The following CEP83 variants were observed in gnomAD, a reference collection of about 807,000 sequenced individuals.
CEP83 encodes the protein centrosomal protein of 83 kDa.
A neutral mutation model predicts 101.9 loss-of-function variants in CEP83; 70 were observed. The ratio of observed to expected loss-of-function variants is 0.69; its 90% CI spans 0.57 to 0.84. The LOEUF is 0.84. Among genes scored for constraint, CEP83 ranks in the 40% least tolerant of loss-of-function variants. The probability of loss-of-function intolerance (pLI) is 0.00; values close to 1 mark genes in which losing one functional copy is unlikely to be tolerated. For missense variants in CEP83, 715 were observed against 787.2 expected (o/e 0.91, Z 1.10); for synonymous variants, 264 against 267.9 (o/e 0.99, Z 0.14).
At chr12:94,372,611 A>C (rs1394494661) in intron 8 of CEP83, among the ~76,000 whole-genome samples, 3 of 152,156 alleles carry the variant, frequency 2.0e-5, no homozygotes, top group Non-Finnish European at 2.9e-5. Context: ...ATTTCATAGG[A>C]AGTTGATTCA....
intron 14 of CEP83, among the ~76,000 whole-genome samples, chr12:94,316,366 T>G (rs1336258810): frequency 6.6e-6 from 1 of 152,172 alleles, no homozygotes; most frequent in African/African-American, 2.4e-5. Context: ...TTTAATAGTT[T>G]GATAGGTTTG....
the CEP83 span, among the ~76,000 whole-genome samples, chr12:94,293,670 G>A: frequency 2.0e-5 from 3 of 152,206 alleles, no homozygotes; most frequent in Non-Finnish European, 4.4e-5. Flanking sequence ...CCAGGCTGGA[G>A]TAGAGTGGCA....
chr12:94,363,947 CAAAAA>C (rs376859752), intron 11 of CEP83, among the ~76,000 whole-genome samples: 7 of 59,466 alleles, frequency 1.2e-4, no homozygotes, highest in Admixed American at 1.8e-4. Flanking sequence ...GACGCTGTCT[CAAAAA>C]AAAAAAAAAA....
chr12:94,415,948 G>A (rs1007604451), intron 2 of CEP83, among the ~76,000 whole-genome samples: 3 of 151,810 alleles, frequency 2.0e-5, no homozygotes, highest in Admixed American at 2.0e-4. Flanking sequence ...CCACATGCCA[G>A]GTATTTAAAA....
chr12:94,411,278 T>C (rs982831350), intron 4 of CEP83, among the ~76,000 whole-genome samples: 3 of 152,168 alleles, frequency 2.0e-5, no homozygotes, highest in Non-Finnish European at 4.4e-5. Context: ...ATAAATTATG[T>C]TCACATACTG....
chr12:94,380,071 C>CAA (rs11362391), intron 6 of CEP83, among the ~76,000 whole-genome samples: 28 of 83,184 alleles, frequency 3.4e-4, no homozygotes, highest in South Asian at 1.2e-3. Context: ...CCCGGCCCTG[C>CAA]AAAAAAAAAA....
At chr12:94,390,163 T>A (rs1431868547) in intron 6 of CEP83, among the ~76,000 whole-genome samples, 1 of 152,144 alleles carries the variant, frequency 6.6e-6, no homozygotes, top group Non-Finnish European at 1.5e-5. Flanking sequence ...GACTGCCTCC[T>A]CAAGTGGGTC....
downstream of CEP83, among the ~76,000 whole-genome samples, chr12:94,304,601 C>A (rs1031500853): frequency 3.3e-5 from 5 of 152,122 alleles, no homozygotes; most frequent in Admixed American, 2.6e-4. Context: ...GATTCCCCCC[C>A]AATCATGCTG....
Position 94,333,636 on chromosome 12 carries a change from T to C in CEP83, c.1423A>G (p.Ile475Val). The C allele has an allele frequency of 6.2e-7, 1 of 1,611,402 alleles. No homozygotes were observed. The highest frequency in any genetic ancestry group is 1.1e-5 in the South Asian group (1 of 90,182). ...KNENSDLKQQISSLQIQVTSL... is the reference protein window; with the variant it reads ...KNENSDLKQQVSSLQIQVTSL... ...GTCACTTGGATCTGCAAACTACTGA[T>C]TTGCTTAAAAGAGAAGAAAGAAGAT... is the stretch of plus-strand genomic sequence containing the variant. Residue 475 changes from isoleucine (I) to valine (V), a missense_variant, in exon 13 of 17, where the codon ATC becomes GTC. Coordinates refer to ENST00000397809, the MANE Select transcript of CEP83 (RefSeq NM_016122.3).
chr12:94,375,838 T>A, intron 8 of CEP83, 48 bp downstream of exon 8: 1 of 1,052,404 alleles, frequency 9.5e-7, no homozygotes, highest in Non-Finnish European at 1.3e-6. Context: ...TATCATTATA[T>A]ACTAACAAAC....
At chr12:94,396,479 G>A (rs913775971) in intron 6 of CEP83, among the ~76,000 whole-genome samples, 4 of 151,498 alleles carry the variant, frequency 2.6e-5, no homozygotes, top group African/African-American at 7.3e-5. Flanking sequence ...TAGTAGAGAC[G>A]GGGTTTCACT....
At chr12:94,311,783 C>T (rs995284044) in intron 15 of CEP83, among the ~76,000 whole-genome samples, 4 of 152,268 alleles carry the variant, frequency 2.6e-5, no homozygotes, top group Middle Eastern at 3.4e-3. Context: ...TTTTTGGACA[C>T]GACATCCAGT....
At chr12:94,427,004 C>T (rs1235713394) in intron 2 of CEP83, among the ~76,000 whole-genome samples, 1 of 152,182 alleles carries the variant, frequency 6.6e-6, no homozygotes, top group Admixed American at 6.5e-5. Context: ...TTTGAGACAC[C>T]TATTATATGG....
At chr12:94,266,861 A>G in the CEP83 span, among the ~76,000 whole-genome samples, 1 of 152,310 alleles carries the variant, frequency 6.6e-6, no homozygotes, top group South Asian at 2.1e-4. Context: ...ATCTCATTGA[A>G]CCCTTGTTTA....
the CEP83 span, among the ~76,000 whole-genome samples, chr12:94,298,125 C>A: frequency 6.6e-6 from 1 of 152,188 alleles, no homozygotes; most frequent in Non-Finnish European, 1.5e-5. Context: ...ACAGCCCAAG[C>A]CTCTTGATTT....
chr12:94,291,374 C>T, the CEP83 span, among the ~76,000 whole-genome samples: 5 of 152,146 alleles, frequency 3.3e-5, no homozygotes, highest in Admixed American at 1.3e-4. Flanking sequence ...CAGGCGTGTG[C>T]CACAATGCTC....
chr12:94,455,106 A>C (rs1311011809), intron 1 of CEP83, among the ~76,000 whole-genome samples: 1 of 152,242 alleles, frequency 6.6e-6, no homozygotes, highest in Admixed American at 6.5e-5. Flanking sequence ...CGAGACCAAG[A>C]ACCCACCAGA....
chr12:94,379,553 T>C (rs2061723295), intron 6 of CEP83, among the ~76,000 whole-genome samples: 2 of 152,150 alleles, frequency 1.3e-5, no homozygotes, highest in Admixed American at 6.6e-5. Context: ...TGAGAGTTTA[T>C]TAAAGTCCTA....
chr12:94,401,491 C>T (rs74564330), intron 5 of CEP83, among the ~76,000 whole-genome samples: 6,917 of 152,278 alleles, frequency 0.045, 214 homozygotes, highest in Non-Finnish European at 0.072. Context: ...TCTCTACTGA[C>T]TAACCAGGAA....
Sources: gnomAD v4.1 joint callset for allele counts (sites outside exome capture counted in the v4.1 genomes callset) on GRCh38, gnomAD v4.1.1 for gene constraint, MANE v1.5 for transcripts, NCBI Gene and HGNC (gene_info 2026-07-23, HGNC 2026-07-21) for gene names.